The following MCCC1 variants were observed in gnomAD, a reference collection of about 807,000 sequenced individuals.
The protein encoded by MCCC1 is methylcrotonoyl-CoA carboxylase subunit alpha, mitochondrial.
A neutral mutation model predicts 83.8 loss-of-function variants in MCCC1; 64 were observed. That is an observed-to-expected ratio of 0.76 (90% CI 0.62 to 0.94). The LOEUF is 0.94. MCCC1 is among the 40% of genes least tolerant of loss of function. The pLI is 0.00. For missense variants in MCCC1, 807 were observed against 904.7 expected (o/e 0.89, Z 1.39); for synonymous variants, 322 against 315.4 (o/e 1.02, Z -0.22).
chr3:183,094,589 G>C lies in MCCC1; in HGVS notation c.106C>G (p.Gln36Glu). 3 of 1,613,984 alleles carry C rather than the reference G, an allele frequency of 1.9e-6. No homozygotes were observed. Among genetic ancestry groups the C allele is most frequent in the Middle Eastern group, 1.6e-4 (1 of 6,062 alleles). The change falls in exon 2 of 19, where the codon CAA (glutamine) becomes GAA (glutamate). Residue 36 changes from glutamine (Q) to glutamate (E), a missense_variant. Gln to Glu is a conservative substitution (Grantham distance 29). Coordinates refer to ENST00000265594, the MANE Select transcript of MCCC1 (RefSeq NM_020166.5). The part of the protein sequence containing the change: ...LLPPRTWVWR[Q>E]RTMKYTTATG... ...GCTGTTGTGTACTTCATGGTTCTTTGCCTCCACACCCATGTCCTATAACAT... is the reference window on the plus strand; with the variant it reads ...GCTGTTGTGTACTTCATGGTTCTTTCCCTCCACACCCATGTCCTATAACAT...
intron 4 of MCCC1, among the ~76,000 whole-genome samples, chr3:183,083,065 C>T (rs2108546846): frequency 6.6e-6 from 1 of 152,216 alleles, no homozygotes; most frequent in East Asian, 1.9e-4. Flanking sequence ...CAGACATCAC[C>T]AGAAATTTAG....
intron 2 of MCCC1, among the ~76,000 whole-genome samples, chr3:183,092,898 T>C (rs1312839147): frequency 2.0e-5 from 3 of 152,176 alleles, no homozygotes; most frequent in Non-Finnish European, 4.4e-5. Context: ...TATTTACTTA[T>C]TTATTTATTT....
At chr3:183,052,566 T>C (rs1328705086) in intron 8 of MCCC1, among the ~76,000 whole-genome samples, 6 of 152,108 alleles carry the variant, frequency 3.9e-5, no homozygotes, top group African/African-American at 1.4e-4. Context: ...CCCAGCACTT[T>C]GGGAGGCTGA....
intron 4 of MCCC1, among the ~76,000 whole-genome samples, chr3:183,077,960 T>C (rs756647393): frequency 3.3e-5 from 5 of 152,314 alleles, no homozygotes; most frequent in Non-Finnish European, 5.9e-5. Flanking sequence ...GGATTTTCTA[T>C]CCTGTTCTAC....
intron 13 of MCCC1, among the ~76,000 whole-genome samples, chr3:183,035,217 G>A (rs1477494027): frequency 1.3e-5 from 2 of 152,098 alleles, no homozygotes; most frequent in African/African-American, 4.8e-5. Context: ...GTAAGACAAC[G>A]TTCCATTCTA....
At chr3:183,111,431 C>T (rs1226886460) in intron 1 of MCCC1, among the ~76,000 whole-genome samples, 1 of 152,152 alleles carries the variant, frequency 6.6e-6, no homozygotes, top group Non-Finnish European at 1.5e-5. Flanking sequence ...TCCCGAGTAG[C>T]TGGGATTATA....
chr3:183,113,041 T>C (rs902421922), intron 1 of MCCC1, among the ~76,000 whole-genome samples: 11 of 151,976 alleles, frequency 7.2e-5, no homozygotes, highest in African/African-American at 2.2e-4. Flanking sequence ...CTGACCAAGA[T>C]GGTGAAACTC....
At chr3:183,038,934 C>G in intron 12 of MCCC1, 92 bp downstream of exon 12, 1 of 1,130,700 alleles carries the variant, frequency 8.8e-7, no homozygotes, top group Non-Finnish European at 1.3e-6. Context: ...AGAAAATATG[C>G]TGACGAGACC....
Position 183,109,907 on chromosome 3 carries a change from ACTGT to A in MCCC1, c.-102+5563_-102+5566del, listed in dbSNP as rs141222703. Among the ~76,000 whole-genome samples, 630 of 152,202 alleles carry A rather than the reference ACTGT, an allele frequency of 4.1e-3. 3 individuals carry two copies. The highest frequency in any genetic ancestry group is 7.7e-3 in the Non-Finnish European group (525 of 68,000). Reference sequence around the variant, plus strand: ...AACGTTCCCTTTTCTCTACAGCCTCACTGTCTGTTATGTTTTTGACTTTTTAATA... The same window carrying A: ...AACGTTCCCTTTTCTCTACAGCCTCACTGTTATGTTTTTGACTTTTTAATA... On this transcript the variant is annotated intron_variant, in intron 1 of 17. Transcript: ENST00000492597.
intron 1 of MCCC1, among the ~76,000 whole-genome samples, chr3:183,096,536 A>G (rs1056770068): frequency 2.0e-5 from 3 of 152,206 alleles, no homozygotes; most frequent in Non-Finnish European, 2.9e-5. Flanking sequence ...TAGTATATAC[A>G]TATTATGTAT....
At chr3:183,107,448 T>C (rs112689999) in intron 1 of MCCC1, among the ~76,000 whole-genome samples, 12 of 151,638 alleles carry the variant, frequency 7.9e-5, no homozygotes, top group Admixed American at 2.6e-4. Context: ...AAGAAAACAC[T>C]GTAGTACACA....
intron 1 of MCCC1, among the ~76,000 whole-genome samples, chr3:183,106,502 C>CT (rs1418433897): frequency 6.6e-6 from 1 of 151,128 alleles, no homozygotes; most frequent in South Asian, 2.1e-4. Context: ...TTCTTTCTTT[C>CT]TTTCTTTCTT....
At chr3:183,102,405 G>A (rs1471543330), upstream of MCCC1, among the ~76,000 whole-genome samples, 1 of 152,078 alleles carries the variant, frequency 6.6e-6, no homozygotes, top group Non-Finnish European at 1.5e-5. Flanking sequence ...CCTGTAGCAT[G>A]TGAAAAGAAT....
At position 183,041,614 on chromosome 3, in the gene MCCC1, G is replaced by A. The variant is rs748355823; in HGVS notation, c.1220C>T (p.Thr407Ile). Residue 407 changes from threonine (T) to isoleucine (I), a missense_variant, in exon 11 of 19, where the codon ACT (threonine) becomes ATT (isoleucine). Transcript: ENST00000265594. The stretch of plus-strand genomic sequence containing the variant: ...CCTGGTGGAAGGGTCTGCTCGAGGA[G>A]TAGAGAGGTGCACTAATGGGCCTGC... ...PVAGPLVHLSTPRADPSTRIE... is the reference protein window; with the variant it reads ...PVAGPLVHLSIPRADPSTRIE... The A allele has an allele frequency of 1.2e-6, 2 of 1,614,052 alleles. No homozygotes were observed. Among genetic ancestry groups the A allele is most frequent in the Non-Finnish European group, 1.7e-6 (2 of 1,180,012 alleles).
intron 8 of MCCC1, among the ~76,000 whole-genome samples, chr3:183,053,187 C>G (rs1715122074): frequency 6.6e-6 from 1 of 152,006 alleles, no homozygotes; most frequent in South Asian, 2.1e-4. Flanking sequence ...AAAGTTAAAA[C>G]AGGCCGGGTG....
At chr3:183,031,075 C>T (rs1009144147) in intron 14 of MCCC1, among the ~76,000 whole-genome samples, 1 of 152,218 alleles carries the variant, frequency 6.6e-6, no homozygotes. Flanking sequence ...TCAAGTGTGG[C>T]ACCTGCAGTA....
chr3:183,025,677 A>C, intron 15 of MCCC1, 78 bp downstream of exon 15: 1 of 1,251,664 alleles, frequency 8.0e-7, no homozygotes, highest in South Asian at 1.2e-5. Context: ...AAGGGAAACC[A>C]GAGAGTGAAA....
chr3:183,077,340 A>G (rs1577337927), intron 4 of MCCC1, among the ~76,000 whole-genome samples: 1 of 152,216 alleles, frequency 6.6e-6, no homozygotes, highest in South Asian at 2.1e-4. Context: ...TGGCTGCTCC[A>G]GTTTACATTC....
At chr3:183,069,495 C>A (rs1468417877) in intron 7 of MCCC1, among the ~76,000 whole-genome samples, 1 of 150,730 alleles carries the variant, frequency 6.6e-6, no homozygotes, top group African/African-American at 2.4e-5. Context: ...TTTTTTTTTG[C>A]CTTAATTGAA....
Sources: gnomAD v4.1 joint callset for allele counts (sites outside exome capture counted in the v4.1 genomes callset) on GRCh38, gnomAD v4.1.1 for gene constraint, MANE v1.5 for transcripts, NCBI Gene and HGNC (gene_info 2026-07-23, HGNC 2026-07-21) for gene names.